Variants in RGPD2 observed in about 807,000 individuals in gnomAD.
RGPD2 encodes the protein RANBP2-like and GRIP domain-containing protein 2.
In RGPD2, 2 loss-of-function variants were observed where a neutral mutation model predicts 36.0. That is an observed-to-expected ratio of 0.06 (90% CI 0.02 to 0.17). RGPD2 has a LOEUF of 0.17. RGPD2 is among the 10% of genes least tolerant of loss of function. The pLI, the probability that RGPD2 is intolerant of heterozygous loss-of-function variation, is 1.00. For synonymous variants in RGPD2, 19 were observed against 163.8 expected, an observed-to-expected ratio of 0.12 and a Z score of 6.75; for missense variants, 40 against 464.3, an observed-to-expected ratio of 0.09 and a Z score of 8.40.
chr2:87,973,509 G>T, the RGPD2 span, among the ~76,000 whole-genome samples: 4 of 135,752 alleles, frequency 2.9e-5, no homozygotes, highest in Non-Finnish European at 4.9e-5. Flanking sequence ...TGGGTTACTT[G>T]CCCACCAGAA....
the RGPD2 span, among the ~76,000 whole-genome samples, chr2:87,878,842 C>T: frequency 1.3e-5 from 2 of 152,208 alleles, no homozygotes; most frequent in Non-Finnish European, 2.9e-5. Flanking sequence ...GTATTTGTCT[C>T]TTTGTGGCCG....
At chr2:87,958,474 C>T in the RGPD2 span, among the ~76,000 whole-genome samples, 3 of 152,212 alleles carry the variant, frequency 2.0e-5, no homozygotes, top group Admixed American at 6.5e-5. Context: ...CCTGCATATA[C>T]ACCACATATG....
At chr2:87,883,171 A>C in the RGPD2 span, among the ~76,000 whole-genome samples, 1 of 152,124 alleles carries the variant, frequency 6.6e-6, no homozygotes, top group Non-Finnish European at 1.5e-5. Context: ...ACACCAAAAC[A>C]GTAAAAAATG....
the RGPD2 span, among the ~76,000 whole-genome samples, chr2:87,847,033 A>C: frequency 6.6e-6 from 1 of 151,644 alleles, no homozygotes; most frequent in African/African-American, 2.4e-5. Context: ...CTTTTTTAGA[A>C]ATGATATTCC....
chr2:87,857,768 C>T, the RGPD2 span, among the ~76,000 whole-genome samples: 1 of 136,990 alleles, frequency 7.3e-6, no homozygotes, highest in East Asian at 2.1e-4. Context: ...GAAACCCCAT[C>T]TCTACTAAAA....
the RGPD2 span, among the ~76,000 whole-genome samples, chr2:87,912,954 T>C: frequency 6.6e-6 from 1 of 150,930 alleles, no homozygotes; most frequent in African/African-American, 2.4e-5. Context: ...GCAAGAATAT[T>C]ATGTTCCAGG....
At chr2:87,976,436 C>G in the RGPD2 span, among the ~76,000 whole-genome samples, 1 of 152,100 alleles carries the variant, frequency 6.6e-6, no homozygotes, top group Non-Finnish European at 1.5e-5. Flanking sequence ...ATGAAGGGCT[C>G]TCTCTCAAAT....
chr2:87,919,540 C>T, the RGPD2 span, among the ~76,000 whole-genome samples: 6 of 151,422 alleles, frequency 4.0e-5, no homozygotes, highest in African/African-American at 1.5e-4. Context: ...CAATACTTTA[C>T]GTGTTGTATA....
the RGPD2 span, among the ~76,000 whole-genome samples, chr2:87,941,152 A>G: frequency 6.6e-6 from 1 of 151,330 alleles, no homozygotes; most frequent in Admixed American, 6.6e-5. Flanking sequence ...AAAATTGGTT[A>G]TTCGTGTAAA....
At position 87,825,519 on chromosome 2, in the gene RGPD2, G is replaced by GT. The variant is rs1232128209; in HGVS notation, c.72+138_72+139insA. On this transcript the variant is annotated intron_variant, in intron 1 of 22. Transcript: ENST00000398146. ...GGCCGAGGCCGAGGCCGAGGCCGCC[G>GT]CCCGGCCGAGGCCGAGGCCGAGGCC... The GT allele has an allele frequency of 1.4e-5, 6 of 417,488 alleles. No homozygotes were observed. The African/African-American group carries it at 2.7e-4, about 19-fold the overall frequency. The allele number at this position is 417,488 out of a possible 1,614,324, so 25.9% of individuals were successfully genotyped here. A position where few individuals can be genotyped will look rare whatever the true frequency, so the allele number is the denominator to read the frequency against.
At chr2:87,861,052 A>G in the RGPD2 span, among the ~76,000 whole-genome samples, 3 of 150,956 alleles carry the variant, frequency 2.0e-5, no homozygotes, top group Non-Finnish European at 4.4e-5. Context: ...TGCATGCATA[A>G]TTTTGTTTTT....
At chr2:87,966,254 G>A in the RGPD2 span, among the ~76,000 whole-genome samples, 6 of 151,912 alleles carry the variant, frequency 3.9e-5, no homozygotes, top group Non-Finnish European at 4.4e-5. Flanking sequence ...TTTCACTGAT[G>A]GCACAAAAAA....
the RGPD2 span, among the ~76,000 whole-genome samples, chr2:87,965,248 A>T: frequency 7.3e-6 from 1 of 137,692 alleles, no homozygotes; most frequent in African/African-American, 2.6e-5. Context: ...TATCCAATAC[A>T]TTCTTACACC....
At chr2:87,935,633 G>A in the RGPD2 span, among the ~76,000 whole-genome samples, 1 of 151,296 alleles carries the variant, frequency 6.6e-6, no homozygotes, top group Non-Finnish European at 1.5e-5. Context: ...GACTGGATTA[G>A]AGAAGTACTC....
At chr2:87,886,073 C>G in the RGPD2 span, among the ~76,000 whole-genome samples, 486 of 151,880 alleles carry the variant, frequency 3.2e-3, 21 homozygotes, top group East Asian at 0.083. Context: ...AACCACCACA[C>G]CAAAAATCTC....
At chr2:87,841,423 G>A in the RGPD2 span, among the ~76,000 whole-genome samples, 1,827 of 142,852 alleles carry the variant, frequency 0.013, no homozygotes, top group Middle Eastern at 0.037. Flanking sequence ...TTCCTTTATA[G>A]CAATGTGAGA....
the RGPD2 span, among the ~76,000 whole-genome samples, chr2:87,988,333 T>C: frequency 5.4e-4 from 72 of 132,304 alleles, no homozygotes; most frequent in Non-Finnish European, 9.7e-4. Flanking sequence ...TAATATTAAG[T>C]TTTATTCAAT....
At chr2:87,948,570 G>A in the RGPD2 span, among the ~76,000 whole-genome samples, 2 of 143,736 alleles carry the variant, frequency 1.4e-5, no homozygotes, top group African/African-American at 2.6e-5. Context: ...TAGTAGAGAC[G>A]GGGTTTCTCC....
chr2:87,988,324 A>AAG, the RGPD2 span, among the ~76,000 whole-genome samples: 1 of 132,562 alleles, frequency 7.5e-6, no homozygotes, highest in Non-Finnish European at 1.6e-5. Context: ...TTTTGACAAT[A>AAG]ATATTAAGTT....
Sources: allele counts gnomAD v4.1 joint callset (sites outside exome capture counted in the v4.1 genomes callset), GRCh38; gene constraint gnomAD v4.1.1; transcripts MANE v1.5; gene names NCBI Gene and HGNC (gene_info 2026-07-23, HGNC 2026-07-21).